PIGS: variants seen among roughly 807,000 people sequenced by gnomAD.
PIGS encodes the protein GPI-anchor transamidase component PIGS.
Under a neutral mutation model 58.2 loss-of-function variants are expected in PIGS, and 37 were observed. That is an observed-to-expected ratio of 0.64 (90% confidence interval 0.49 to 0.84). PIGS has a LOEUF of 0.84. Ranked by LOEUF, PIGS falls within the 40% of genes least tolerant of loss-of-function variation. PIGS has a pLI of 0.00. For missense variants in PIGS, 629 were observed against 710.8 expected, an observed-to-expected ratio of 0.88 and a Z score of 1.31; for synonymous variants, 269 against 289.2, an observed-to-expected ratio of 0.93 and a Z score of 0.71.
chr17:28,563,825 A>G lies in PIGS; in HGVS notation c.369T>C (p.Ser123=). The G allele has an allele frequency of 6.2e-7, 1 of 1,613,316 alleles. No homozygotes were observed. The highest frequency in any genetic ancestry group is 8.5e-7 in the Non-Finnish European group (1 of 1,179,252). ...DHEEEALSSG[S]VQEAEAMLDE... ...GCTCATCCCTTCCCATACCTTGCAC[A>G]CTGCCCGATGACAGGGCCTCCTCCT... is the stretch of plus-strand genomic sequence containing the variant. Residue 123 remains serine (S), a synonymous_variant, in exon 4 of 12, where the codon AGT becomes AGC. Transcript: ENST00000308360.
chr17:28,556,853 G>A lies in PIGS; in HGVS notation c.1054C>T (p.His352Tyr). The A allele has an allele frequency of 6.2e-7, 1 of 1,614,146 alleles. No individual in the cohort carries two copies. The highest frequency in any genetic ancestry group is 1.1e-5 in the South Asian group (1 of 91,074). The change falls in exon 9 of 12, where the codon CAT becomes TAT. Residue 352 changes from histidine (H) to tyrosine (Y), a missense_variant. Coordinates refer to ENST00000308360, the MANE Select transcript of PIGS (RefSeq NM_033198.4). The part of the protein sequence containing the change: ...DGAPVATNAF[H>Y]SPRWGGIMVY... ...ATAATGCCACCCCAGCGGGGACTATGGAAGGCATTGGTGGCCACTGGAGCG... is the reference window on the plus strand; with the variant it reads ...ATAATGCCACCCCAGCGGGGACTATAGAAGGCATTGGTGGCCACTGGAGCG...
At position 28,560,117 on chromosome 17, in the gene PIGS, C is replaced by T. The variant is rs1169748087; in HGVS notation, c.751G>A (p.Val251Ile). Reference protein sequence around the residue: ...HDVYWDIEGAVRRYVQPFLNA... With the variant: ...HDVYWDIEGAIRRYVQPFLNA... ...AGGAAAGGTTGCACATAGCGCCGGA[C>T]AGCCCCCTCAATGTCCCAGTAGACA... The change falls in exon 7 of 12, where the codon GTC becomes ATC. Residue 251 changes from valine (V) to isoleucine (I), a missense_variant. Val to Ile is a conservative substitution (Grantham distance 29). Coordinates refer to ENST00000308360, the MANE Select transcript of PIGS (RefSeq NM_033198.4). 2 of 1,613,472 alleles carry T rather than the reference C, an allele frequency of 1.2e-6. No homozygotes were observed.
intron 6 of PIGS, among the ~76,000 whole-genome samples, chr17:28,561,024 G>A (rs903939419): frequency 3.3e-5 from 5 of 152,042 alleles, no homozygotes; most frequent in South Asian, 2.1e-4. Flanking sequence ...TTGGGAAGCC[G>A]AGGCGGGCAG....
At chr17:28,561,875 G>C in intron 5 of PIGS, 1 of 405,994 alleles carries the variant, frequency 2.5e-6, no homozygotes, top group Admixed American at 4.4e-5. Flanking sequence ...CTCTTCAGGG[G>C]CTGGTAAAAT....
rs755566243 is a variant in PIGS, at chr17:28,555,002, G to C, written c.1241C>G (p.Thr414Arg). Residue 414 changes from threonine (T) to arginine (R), a missense_variant, in exon 11 of 12, where the codon ACG (threonine) becomes AGG (arginine). By Grantham distance (71) the Thr-to-Arg change is moderately conservative (BLOSUM62 -1). Coordinates refer to ENST00000308360, the MANE Select transcript of PIGS (RefSeq NM_033198.4). ...CTCCCAGGTCATTAGCCCTTCACTC[G>C]TAGGCCCTGAAAGCAGGCATTTTGG... ...LPPKCLLSGPTSEGLMTWELD... is the reference protein window; with the variant it reads ...LPPKCLLSGPRSEGLMTWELD... 6.2e-7 allele frequency: 1 copy of C among 1,610,716 alleles called. No individual in the cohort carries two copies.
rs1555534331 is a variant in PIGS at position 28,555,042 on chromosome 17, G to A, written c.1201C>T (p.Gln401Ter). Residue 401 changes from glutamine to a stop codon, truncating the protein, a stop_gained, in exon 11 of 12, where the codon CAG becomes TAG. Coordinates refer to ENST00000308360, the MANE Select transcript of PIGS (RefSeq NM_033198.4). LOFTEE classifies it high-confidence loss of function. ...AGGCATTTTGGAGGCAGCTGGGGCT[G>A]AGCAATCCCAAAGAGCAACCTGTAG... ...AQLRLLFGIAQPQLPPKCLLS... is the reference protein window; with the variant it reads ...AQLRLLFGIA The A allele has an allele frequency of 6.2e-7, 1 of 1,612,798 alleles. No homozygotes were observed. Among genetic ancestry groups the A allele is most frequent in the Non-Finnish European group, 8.5e-7 (1 of 1,179,398 alleles).
Position 28,556,177 on chromosome 17 carries a change from C to G in PIGS, c.1170G>C (p.Leu390=). 6.2e-7 allele frequency: 1 copy of G among 1,613,368 alleles called. No homozygotes were observed. The highest frequency in any genetic ancestry group is 1.1e-5 in the South Asian group (1 of 91,058). Residue 390 remains leucine (L), a synonymous_variant, in exon 10 of 12, where the codon CTG becomes CTC. Coordinates refer to ENST00000308360, the MANE Select transcript of PIGS (RefSeq NM_033198.4). Reference sequence around the variant, plus strand: ...ATCCAGGACCTCACCGCAACTGTGCCAGGAACACCTCCATCACTCGCACCA... The same window carrying G: ...ATCCAGGACCTCACCGCAACTGTGCGAGGAACACCTCCATCACTCGCACCA... ...VDMVRVMEVF[L]AQLRLLFGIA...
chr17:28,566,172 A>G (rs943864999), intron 3 of PIGS, among the ~76,000 whole-genome samples: 2 of 149,964 alleles, frequency 1.3e-5, no homozygotes, highest in Non-Finnish European at 3.0e-5. Context: ...GTTCAAGGTT[A>G]CAGTGAGCTA....
At chr17:28,556,300 A>T (rs1448762432) in intron 9 of PIGS, 34 bp from the exon 10 acceptor site, 2 of 1,486,766 alleles carry the variant, frequency 1.3e-6, no homozygotes, top group Non-Finnish European at 1.9e-6. Context: ...ACAACATCAT[A>T]CCAGGCCCTT....
In PIGS at chr17:28,556,225, C is replaced by A. The variant is rs776043156; in HGVS notation, c.1122G>T (p.Leu374=). 1.9e-6 allele frequency: 3 copies of A among 1,613,848 alleles called. No individual in the cohort carries two copies. The highest frequency in any genetic ancestry group is 2.7e-5 in the African/African-American group (2 of 74,892). ...CCATGTCCACCTCGACTCTCACTGGCAGCACTGAGGCATTATAGGTTTTGG... is the reference window on the plus strand; with the variant it reads ...CCATGTCCACCTCGACTCTCACTGGAAGCACTGAGGCATTATAGGTTTTGG... ...VDSKTYNASV[L]PVRVEVDMVR... The change falls in exon 10 of 12, where the codon CTG becomes CTT. Residue 374 remains leucine, a synonymous_variant. Coordinates refer to ENST00000308360, the MANE Select transcript of PIGS (RefSeq NM_033198.4).
At chr17:28,565,429 C>G (rs566170950) in intron 3 of PIGS, among the ~76,000 whole-genome samples, 3 of 152,250 alleles carry the variant, frequency 2.0e-5, no homozygotes, top group Non-Finnish European at 4.4e-5. Context: ...GATGTCAACT[C>G]TCCCCAAATT....
At position 28,563,754 on chromosome 17, in the gene PIGS, AC is replaced by A. The variant is rs1177177857; in HGVS notation, c.376+63del. On this transcript the variant is annotated intron_variant, in intron 4 of 11. Transcript: ENST00000308360. Reference sequence around the variant, plus strand: ...GTAAGCCAAAGCATGGGAACTATGCACTTAGAGATCAGAAGGAAAAAGAGGG... The same window carrying A: ...GTAAGCCAAAGCATGGGAACTATGCATTAGAGATCAGAAGGAAAAAGAGGG... 2.0e-6 allele frequency: 3 copies of A among 1,490,038 alleles called. No homozygotes were observed. In the Admixed American group the frequency reaches 5.1e-5, roughly 25 times the overall value. The allele number at this position is 1,490,038 out of a possible 1,614,324, so 92.3% of individuals were successfully genotyped here. A position where few individuals can be genotyped will look rare whatever the true frequency, so the allele number is the denominator to read the frequency against.
intron 5 of PIGS, among the ~76,000 whole-genome samples, chr17:28,562,866 A>AT (rs954175073): frequency 6.6e-5 from 10 of 151,230 alleles, no homozygotes; most frequent in Admixed American, 4.6e-4. Context: ...CATCCAGCTA[A>AT]TTTTTTTTAT....
At chr17:28,563,638 T>C in intron 4 of PIGS, 116 bp from the exon 5 acceptor site, 2 of 1,230,536 alleles carry the variant, frequency 1.6e-6, no homozygotes, top group Non-Finnish European at 1.2e-6. Context: ...GTGGTCAGGC[T>C]TGGGTAAGCC....
In PIGS at chr17:28,556,228, C is replaced by G. The variant is rs1203057136; in HGVS notation, c.1119G>C (p.Val373=). 2 of 1,613,944 alleles carry G rather than the reference C, an allele frequency of 1.2e-6. No individual in the cohort carries two copies. Among genetic ancestry groups the G allele is most frequent in the African/African-American group, 2.7e-5 (2 of 75,030 alleles). The part of the protein sequence containing the change: ...NVDSKTYNAS[V]LPVRVEVDMV... Reference sequence around the variant, plus strand: ...TGTCCACCTCGACTCTCACTGGCAGCACTGAGGCATTATAGGTTTTGGAGT... The same window carrying G: ...TGTCCACCTCGACTCTCACTGGCAGGACTGAGGCATTATAGGTTTTGGAGT... Residue 373 remains valine, a synonymous_variant, in exon 10 of 12, where the codon GTG becomes GTC. Transcript: ENST00000308360.
At chr17:28,556,407 G>A (rs2070328657) in intron 9 of PIGS, 141 bp from the exon 10 acceptor site, 1 of 731,510 alleles carries the variant, frequency 1.4e-6, no homozygotes, top group South Asian at 1.5e-5. Context: ...TATTTTTTGA[G>A]TACCTACTAC....
Position 28,560,066 on chromosome 17 carries a change from A to G in PIGS, c.802T>C (p.Phe268Leu). ...FLNALGAAGN[F>L]SVDSQILYYA... ...GGTCTCACCTGAGAGTCCACAGAGA[A>G]GTTGCCAGCGGCACCGAGGGCATTC... The change falls in exon 7 of 12, where the codon TTC becomes CTC. Residue 268 changes from phenylalanine to leucine, a missense_variant. Phe to Leu is a conservative substitution (Grantham distance 22). Coordinates refer to ENST00000308360, the MANE Select transcript of PIGS (RefSeq NM_033198.4). 6.2e-7 allele frequency: 1 copy of G among 1,611,982 alleles called. No individual in the cohort carries two copies. The highest frequency in any genetic ancestry group is 1.7e-4 in the Middle Eastern group (1 of 6,052).
intron 8 of PIGS, among the ~76,000 whole-genome samples, chr17:28,558,020 C>A (rs938857851): frequency 6.6e-6 from 1 of 152,158 alleles, no homozygotes; most frequent in Non-Finnish European, 1.5e-5. Context: ...GAAAAAGGAA[C>A]CTAGGGCTCA....
rs777021216 is a variant in PIGS, at chr17:28,560,050, TGA to T, written c.816_817del (p.Gln273AspfsTer14). On this transcript the variant is annotated frameshift_variant and splice_region_variant, in exon 7 of 12. Coordinates refer to ENST00000308360, the MANE Select transcript of PIGS (RefSeq NM_033198.4). LOFTEE classifies it high-confidence loss of function. ...TCCTCAACTTGCTCCCGGTCTCACCTGAGAGTCCACAGAGAAGTTGCCAGCGG... is the reference window on the plus strand; with the variant it reads ...TCCTCAACTTGCTCCCGGTCTCACCTGAGTCCACAGAGAAGTTGCCAGCGG... 7 of 1,608,304 alleles carry T rather than the reference TGA, an allele frequency of 4.4e-6. No individual in the cohort carries two copies. In the East Asian group the frequency reaches 1.3e-4, roughly 31 times the overall value.
Sources: allele counts gnomAD v4.1 joint callset (sites outside exome capture counted in the v4.1 genomes callset), GRCh38; gene constraint gnomAD v4.1.1; transcripts MANE v1.5; gene names NCBI Gene and HGNC (gene_info 2026-07-23, HGNC 2026-07-21).